Variants in PTPN20 observed in about 807,000 individuals in gnomAD.
PTPN20 encodes tyrosine-protein phosphatase non-receptor type 20.
In PTPN20, 9 loss-of-function variants were observed where a neutral mutation model predicts 35.0. That is an observed-to-expected ratio of 0.26 (90% CI 0.15 to 0.45). The LOEUF (loss-of-function observed/expected upper bound fraction) is 0.45, where lower values mean the gene tolerates loss of function less well. Ranked by LOEUF, PTPN20 falls within the 20% of genes least tolerant of loss-of-function variation. The pLI, the probability that PTPN20 is intolerant of heterozygous loss-of-function variation, is 1.00. For synonymous variants in PTPN20, 32 were observed against 100.2 expected (o/e 0.32, Z 4.06); for missense variants, 111 against 312.5 (o/e 0.36, Z 4.86).
At position 46,999,429 on chromosome 10, in the gene PTPN20, C is replaced by T. The variant is rs1043455040; in HGVS notation, c.1135-483C>T. On this transcript the variant is annotated intron_variant, in intron 9 of 10. Coordinates refer to ENST00000374339, the MANE Select transcript of PTPN20 (RefSeq NM_001042357.5). The stretch of plus-strand genomic sequence containing the variant: ...TGACTCATTGTGGACCAGCAACAGA[C>T]CTTTGTAGGCCTGCACCAACTCAAT... Among the ~76,000 whole-genome samples, 8 of 152,314 alleles carry T rather than the reference C, an allele frequency of 5.3e-5. No individual in the cohort carries two copies. In the East Asian group the frequency reaches 1.5e-3, roughly 29 times the overall value.
chr10:46,932,138 A>G (rs1241452349), intron 1 of PTPN20, among the ~76,000 whole-genome samples: 1 of 150,664 alleles, frequency 6.6e-6, no homozygotes, highest in Admixed American at 6.6e-5. Context: ...CCATTCACAT[A>G]TTTATTTGTG....
In PTPN20 at chr10:46,992,654, T is replaced by C. The variant is rs904646284; in HGVS notation, c.1134+5099T>C. 7.3e-3 allele frequency among the ~76,000 whole-genome samples: 1,107 copies of C among 152,322 alleles called. 8 individuals carry two copies. The highest frequency in any genetic ancestry group is 0.025 in the African/African-American group (1,030 of 41,566). On this transcript the variant is annotated intron_variant, in intron 9 of 10. Transcript: ENST00000374339. The stretch of plus-strand genomic sequence containing the variant: ...ATTTTACCAAATTCCTTGGATTAGG[T>C]TTCAGCTGTCTCCTGAATCTCATTA...
At chr10:46,938,157 G>T (rs1481394726) in intron 2 of PTPN20, among the ~76,000 whole-genome samples, 2 of 150,800 alleles carry the variant, frequency 1.3e-5, no homozygotes, top group East Asian at 2.0e-4. Context: ...CACCATGTTT[G>T]TCAGGCTGAT....
intron 7 of PTPN20, among the ~76,000 whole-genome samples, chr10:46,977,288 C>T (rs1449411858): frequency 3.3e-5 from 5 of 152,294 alleles, no homozygotes; most frequent in African/African-American, 1.2e-4. Flanking sequence ...ACTTGCCAGT[C>T]CCCACAATCA....
chr10:46,992,191 C>T (rs2058100640), intron 9 of PTPN20, among the ~76,000 whole-genome samples: 1 of 148,992 alleles, frequency 6.7e-6, no homozygotes, highest in Non-Finnish European at 1.5e-5. Context: ...GGCGTGATCT[C>T]AGCTCACTAC....
At chr10:46,920,448 A>C (rs1158751249) in intron 1 of PTPN20, among the ~76,000 whole-genome samples, 10 of 148,996 alleles carry the variant, frequency 6.7e-5, no homozygotes, top group African/African-American at 2.6e-4. Flanking sequence ...GTAGATGTTC[A>C]CACCATTACT....
chr10:46,951,427 C>T (rs2046620005), intron 5 of PTPN20, among the ~76,000 whole-genome samples: 1 of 152,208 alleles, frequency 6.6e-6, no homozygotes, highest in Non-Finnish European at 1.5e-5. Context: ...GTCTGTCTGA[C>T]AAATGTGCTA....
chr10:46,977,212 G>T (rs1376080812), intron 7 of PTPN20, among the ~76,000 whole-genome samples: 1 of 152,298 alleles, frequency 6.6e-6, no homozygotes, highest in Admixed American at 6.5e-5. Context: ...GACTGCCTTT[G>T]CACTCAAGAC....
chr10:46,948,746 C>T (rs1348786347), intron 5 of PTPN20, among the ~76,000 whole-genome samples: 1 of 151,886 alleles, frequency 6.6e-6, no homozygotes, highest in Non-Finnish European at 1.5e-5. Flanking sequence ...TAGACTGGTG[C>T]TTGCGTGCCT....
At chr10:46,936,243 C>A (rs1382648704) in intron 2 of PTPN20, among the ~76,000 whole-genome samples, 5 of 151,704 alleles carry the variant, frequency 3.3e-5, no homozygotes, top group African/African-American at 1.2e-4. Flanking sequence ...ACGATGCTGG[C>A]CTTATGGAAT....
chr10:46,953,714 G>A (rs1229447366), intron 5 of PTPN20, among the ~76,000 whole-genome samples: 4 of 144,308 alleles, frequency 2.8e-5, no homozygotes, highest in Non-Finnish European at 4.4e-5. Context: ...AGTTACTTTG[G>A]TTGATTTCCA....
intron 5 of PTPN20, among the ~76,000 whole-genome samples, chr10:46,949,180 A>C (rs2045923579): frequency 6.6e-6 from 1 of 152,090 alleles, no homozygotes; most frequent in South Asian, 2.1e-4. Context: ...CCCTCCTCCA[A>C]GCCTACCCTT....
At chr10:46,992,619 C>G (rs1179344359) in intron 9 of PTPN20, among the ~76,000 whole-genome samples, 1 of 152,136 alleles carries the variant, frequency 6.6e-6, no homozygotes, top group East Asian at 1.9e-4. Context: ...AACTTTTTAA[C>G]TCTTGGATCA....
intron 5 of PTPN20, chr10:46,948,011 T>A (rs2045512497): frequency 2.2e-6 from 1 of 446,168 alleles, no homozygotes; most frequent in South Asian, 1.6e-5. Context: ...ACAAACTGTA[T>A]TCCAAAGAAG....
chr10:46,950,041 CA>C (rs2046205354), intron 5 of PTPN20, among the ~76,000 whole-genome samples: 1 of 107,568 alleles, frequency 9.3e-6, no homozygotes, highest in Non-Finnish European at 1.8e-5. Context: ...AGATTGTTTC[CA>C]TTTTTAAAAA....
At chr10:46,983,499 C>T (rs1339090767) in intron 7 of PTPN20, among the ~76,000 whole-genome samples, 1 of 151,530 alleles carries the variant, frequency 6.6e-6, no homozygotes, top group African/African-American at 2.4e-5. Context: ...CTTCAGATGT[C>T]TGTGTCAGGT....
chr10:46,983,137 C>T (rs1163316691), intron 7 of PTPN20, among the ~76,000 whole-genome samples: 4 of 144,870 alleles, frequency 2.8e-5, no homozygotes, highest in Non-Finnish European at 4.5e-5. Context: ...AGTACAGTGG[C>T]GCGGTCTCAG....
Position 46,932,489 on chromosome 10 carries a change from A to C in PTPN20, c.-11A>C. ...GCCTTTTACCAGTCTCATTTAGGGG[A>C]TGGGAACAACATGTCTTCACCTAGG... On this transcript the variant is annotated 5_prime_UTR_variant, in exon 2 of 11. It removes an upstream start codon present in the reference 5' UTR. Transcript: ENST00000374339. 6.2e-7 allele frequency: 1 copy of C among 1,611,944 alleles called. No individual in the cohort carries two copies. The highest frequency in any genetic ancestry group is 8.5e-7 in the Non-Finnish European group (1 of 1,179,870).
chr10:46,930,387 C>T (rs1227841626), intron 1 of PTPN20, among the ~76,000 whole-genome samples: 39 of 151,368 alleles, frequency 2.6e-4, no homozygotes, highest in African/African-American at 8.1e-4. Flanking sequence ...TGATAAAATT[C>T]GAAACAAAAT....
Sources: allele counts gnomAD v4.1 joint callset (sites outside exome capture counted in the v4.1 genomes callset), GRCh38; gene constraint gnomAD v4.1.1; transcripts MANE v1.5; gene names NCBI Gene and HGNC (gene_info 2026-07-23, HGNC 2026-07-21).